HIBADH: variants seen among roughly 807,000 people sequenced by gnomAD.
The protein encoded by HIBADH is 3-hydroxyisobutyrate dehydrogenase.
In HIBADH, 25 loss-of-function variants were observed where a neutral mutation model predicts 36.1. The ratio of observed to expected loss-of-function variants is 0.69; its 90% CI spans 0.50 to 0.97. HIBADH has a LOEUF of 0.97. HIBADH is among the 50% of genes least tolerant of loss of function. The probability of loss-of-function intolerance (pLI) is 0.00; values close to 1 mark genes in which losing one functional copy is unlikely to be tolerated. For missense variants in HIBADH, 421 were observed against 418.0 expected (o/e 1.01, Z -0.06); for synonymous variants, 160 against 149.5 (o/e 1.07, Z -0.51).
chr7:27,562,717 C>T (rs1164678545), intron 4 of HIBADH, among the ~76,000 whole-genome samples: 1 of 152,144 alleles, frequency 6.6e-6, no homozygotes, highest in Non-Finnish European at 1.5e-5. Context: ...CTTGGCCTAC[C>T]AAAGTGCTGA....
At chr7:27,574,755 A>G (rs1784684231) in intron 4 of HIBADH, among the ~76,000 whole-genome samples, 1 of 152,206 alleles carries the variant, frequency 6.6e-6, no homozygotes, top group Non-Finnish European at 1.5e-5. Context: ...CACATCTCTT[A>G]TTTTTACCAA....
intron 1 of HIBADH, among the ~76,000 whole-genome samples, chr7:27,659,140 A>G (rs372334956): frequency 3.3e-5 from 5 of 152,240 alleles, no homozygotes; most frequent in African/African-American, 1.2e-4. Context: ...TCCTGTTTCT[A>G]TACATGATGC....
chr7:27,595,702 G>A (rs1174614381), intron 4 of HIBADH, among the ~76,000 whole-genome samples: 1 of 151,148 alleles, frequency 6.6e-6, no homozygotes, highest in South Asian at 2.1e-4. Context: ...ATGAGCATTT[G>A]ATACTCATAC....
At chr7:27,541,624 T>C (rs1327794685) in intron 5 of HIBADH, 4 of 323,180 alleles carry the variant, frequency 1.2e-5, no homozygotes, top group African/African-American at 4.5e-5. Context: ...CCTCAATCCA[T>C]GGTATGTATC....
chr7:27,588,677 G>A lies in HIBADH; in HGVS notation c.484+40694C>T, dbSNP rs117876521. ...ATATCATGAAACCATCTTATTCTCT[G>A]CTAAGATGATTTTACTAACTCTATA... On this transcript the variant is annotated intron_variant, in intron 4 of 7. Transcript: ENST00000265395. Among the ~76,000 whole-genome samples, 59 of 152,206 alleles carry A rather than the reference G, an allele frequency of 3.9e-4. 2 individuals are homozygous for A. In the East Asian group the frequency reaches 0.011, roughly 28 times the overall value.
At chr7:27,526,696 T>A (rs12700814) in intron 7 of HIBADH, among the ~76,000 whole-genome samples, 84,917 of 151,746 alleles carry the variant, frequency 0.56, 23,940 homozygotes, top group Middle Eastern at 0.6. Flanking sequence ...AAATTTTTTT[T>A]AAAAAATTCT....
chr7:27,531,816 T>C (rs1218085679), intron 6 of HIBADH, among the ~76,000 whole-genome samples: 1 of 152,194 alleles, frequency 6.6e-6, no homozygotes, highest in Non-Finnish European at 1.5e-5. Flanking sequence ...AATGCATTTA[T>C]ATGTATGTTT....
intron 6 of HIBADH, among the ~76,000 whole-genome samples, chr7:27,533,486 C>T (rs1040247256): frequency 2.0e-5 from 3 of 152,076 alleles, no homozygotes; most frequent in Non-Finnish European, 2.9e-5. Context: ...TGCCCCCACC[C>T]GCAGCAAAGT....
At chr7:27,591,825 C>T (rs907954115) in intron 4 of HIBADH, among the ~76,000 whole-genome samples, 5 of 152,120 alleles carry the variant, frequency 3.3e-5, no homozygotes, top group African/African-American at 9.7e-5. Flanking sequence ...AAATACATTG[C>T]TATGTTAATT....
chr7:27,644,297 C>G (rs1311484306), intron 2 of HIBADH, among the ~76,000 whole-genome samples: 1 of 151,776 alleles, frequency 6.6e-6, no homozygotes, highest in African/African-American at 2.4e-5. Context: ...AACCCCGTCT[C>G]TACTAAAAAT....
intron 4 of HIBADH, among the ~76,000 whole-genome samples, chr7:27,616,709 G>A (rs1257143053): frequency 2.6e-5 from 4 of 151,962 alleles, no homozygotes; most frequent in East Asian, 1.9e-4. Context: ...TGATGTGCTC[G>A]CCTTGGCCTC....
chr7:27,576,605 AC>A (rs1784714625), intron 4 of HIBADH, among the ~76,000 whole-genome samples: 1 of 152,202 alleles, frequency 6.6e-6, no homozygotes, highest in African/African-American at 2.4e-5. Context: ...GATTTGAAGA[AC>A]CTATTTACCC....
At chr7:27,571,450 C>T (rs574176222) in intron 4 of HIBADH, among the ~76,000 whole-genome samples, 1 of 152,278 alleles carries the variant, frequency 6.6e-6, no homozygotes, top group East Asian at 1.9e-4. Context: ...GTCTCAAACT[C>T]CTGACCTCAG....
chr7:27,616,966 T>G (rs1023703396), intron 4 of HIBADH, among the ~76,000 whole-genome samples: 37 of 152,188 alleles, frequency 2.4e-4, no homozygotes, highest in Admixed American at 2.4e-3. Context: ...TACAGTAAGC[T>G]GAAGTTGATT....
chr7:27,625,999 G>A (rs546045712), intron 4 of HIBADH, among the ~76,000 whole-genome samples: 31 of 151,014 alleles, frequency 2.1e-4, no homozygotes, highest in African/African-American at 7.3e-4. Flanking sequence ...CTACTCGGGA[G>A]GCTGAGGCAG....
At chr7:27,655,301 G>A (rs1786278441) in intron 1 of HIBADH, among the ~76,000 whole-genome samples, 1 of 152,158 alleles carries the variant, frequency 6.6e-6, no homozygotes, top group African/African-American at 2.4e-5. Context: ...AATTGGCTTA[G>A]GTAGGATAAT....
At chr7:27,589,888 C>T (rs1784916381) in intron 4 of HIBADH, among the ~76,000 whole-genome samples, 1 of 152,134 alleles carries the variant, frequency 6.6e-6, no homozygotes, top group African/African-American at 2.4e-5. Context: ...CCGTGATCGT[C>T]CCATCACACC....
chr7:27,585,206 TAA>T (rs747775080), intron 4 of HIBADH, among the ~76,000 whole-genome samples: 2 of 151,968 alleles, frequency 1.3e-5, no homozygotes, highest in Non-Finnish European at 2.9e-5. Context: ...TATGTATGTA[TAA>T]AAGTACGTGT....
intron 4 of HIBADH, among the ~76,000 whole-genome samples, chr7:27,577,190 T>TTTCG (rs1784724011): frequency 7.3e-6 from 1 of 137,016 alleles, no homozygotes; most frequent in Non-Finnish European, 1.5e-5. Context: ...TGAGATGGAG[T>TTTCG]TTCGCTCTTG....
Sources: allele counts gnomAD v4.1 joint callset (sites outside exome capture counted in the v4.1 genomes callset), GRCh38; gene constraint gnomAD v4.1.1; transcripts MANE v1.5; gene names NCBI Gene and HGNC (gene_info 2026-07-23, HGNC 2026-07-21).